Variants in GABRB1 observed in about 807,000 individuals in gnomAD.
GABRB1 encodes gamma-aminobutyric acid type A receptor subunit beta1.
A neutral mutation model predicts 51.6 loss-of-function variants in GABRB1; 17 were observed. The ratio of observed to expected loss-of-function variants is 0.33; its 90% CI spans 0.23 to 0.49. The LOEUF is 0.49. Ranked by LOEUF, GABRB1 falls within the 20% of genes least tolerant of loss-of-function variation. The pLI is 0.99. For missense variants in GABRB1, 410 were observed against 600.6 expected, an observed-to-expected ratio of 0.68 and a Z score of 3.32; for synonymous variants, 247 against 218.9, an observed-to-expected ratio of 1.13 and a Z score of -1.14.
At chr4:47,237,730 A>G (rs1721380473) in intron 4 of GABRB1, among the ~76,000 whole-genome samples, 1 of 152,052 alleles carries the variant, frequency 6.6e-6, no homozygotes, top group African/African-American at 2.4e-5. Flanking sequence ...TGATAGAGAT[A>G]GGCACAGCCA....
At chr4:47,007,895 A>ATATATATATATATAT (rs375965914) in intron 1 of GABRB1, among the ~76,000 whole-genome samples, 780 of 17,364 alleles carry the variant, frequency 0.045, 38 homozygotes, top group Middle Eastern at 0.14. Context: ...TATATATATA[A>ATATATATATATATAT]AATCAAGTTT....
At chr4:47,147,982 A>T (rs1407333288) in intron 3 of GABRB1, among the ~76,000 whole-genome samples, 1 of 152,094 alleles carries the variant, frequency 6.6e-6, no homozygotes, top group Admixed American at 6.6e-5. Flanking sequence ...TCATATTTGC[A>T]ATTTTTTAAA....
rs186765859 is a variant in GABRB1 at position 47,294,725 on chromosome 4, T to C, written c.462-25402T>C. Among the ~76,000 whole-genome samples, 334 of 152,290 alleles carry C rather than the reference T, an allele frequency of 2.2e-3. 3 individuals are homozygous for C. Among genetic ancestry groups the C allele is most frequent in the African/African-American group, 7.1e-3 (294 of 41,570 alleles). ...GCAGTAACCTCTGCAGACTTAAATG[T>C]CCCTGTCTGACAGCTTTGAAGGGAG... On this transcript the variant is annotated intron_variant, in intron 4 of 8. Coordinates refer to ENST00000295454, the MANE Select transcript of GABRB1 (RefSeq NM_000812.4).
chr4:47,137,998 A>C (rs890375219), intron 3 of GABRB1, among the ~76,000 whole-genome samples: 3 of 152,112 alleles, frequency 2.0e-5, no homozygotes, highest in African/African-American at 7.2e-5. Flanking sequence ...CATTGCAGTG[A>C]GGTTAAGTTG....
At chr4:47,273,970 C>T (rs1030929115) in intron 4 of GABRB1, among the ~76,000 whole-genome samples, 1 of 151,720 alleles carries the variant, frequency 6.6e-6, no homozygotes, top group African/African-American at 2.4e-5. Context: ...AAAGATTATG[C>T]ATGCATACAC....
chr4:47,425,784 T>C lies in GABRB1; in HGVS notation c.1191T>C (p.Tyr397=). ...ACCCCAAGGCCACCATGTACTCCTA[T>C]GACAGCGCCAGCATCCAGTACCGCA... ...VSDPKATMYS[Y]DSASIQYRKP... Residue 397 remains tyrosine, a synonymous_variant, in exon 9 of 9, where the codon TAT becomes TAC. Transcript: ENST00000295454. 1.2e-6 allele frequency: 2 copies of C among 1,614,172 alleles called. No homozygotes were observed. The highest frequency in any genetic ancestry group is 1.7e-6 in the Non-Finnish European group (2 of 1,180,020).
intron 1 of GABRB1, among the ~76,000 whole-genome samples, chr4:47,017,667 GTTTTACCA>G (rs1354154614): frequency 6.6e-6 from 1 of 151,912 alleles, no homozygotes; most frequent in Non-Finnish European, 1.5e-5. Flanking sequence ...CTGGCTTCTA[GTTTTACCA>G]CTGAATCTCT....
intron 1 of GABRB1, among the ~76,000 whole-genome samples, chr4:47,005,298 G>C (rs1724355312): frequency 6.6e-6 from 1 of 152,088 alleles, no homozygotes; most frequent in Non-Finnish European, 1.5e-5. Context: ...GGCGCCTGTA[G>C]TCCCAGCTAC....
At position 47,426,191 on chromosome 4, in the gene GABRB1, A is replaced by G; in HGVS notation, c.*173A>G. The G allele has an allele frequency of 2.0e-6, 1 of 499,966 alleles. No individual in the cohort carries two copies. The allele number at this position is 499,966 out of a possible 1,614,324, so 31.0% of individuals were successfully genotyped here. ...GCACCATGTTTACTTCAAAAAGACA[A>G]AACAAAAAAAAAATTATTTTTCCAG... On this transcript the variant is annotated 3_prime_UTR_variant, in exon 9 of 9. Coordinates refer to ENST00000295454, the MANE Select transcript of GABRB1 (RefSeq NM_000812.4).
chr4:47,202,135 G>T (rs1330712488), intron 4 of GABRB1, among the ~76,000 whole-genome samples: 1 of 152,234 alleles, frequency 6.6e-6, no homozygotes, highest in East Asian at 1.9e-4. Flanking sequence ...GAGACCAGGT[G>T]GAAGTAATTG....
intron 4 of GABRB1, among the ~76,000 whole-genome samples, chr4:47,247,357 C>T (rs1044446422): frequency 1.3e-5 from 2 of 152,090 alleles, no homozygotes; most frequent in African/African-American, 4.8e-5. Context: ...TCTGGGTTCT[C>T]TATTCTGTTC....
intron 5 of GABRB1, among the ~76,000 whole-genome samples, chr4:47,339,943 A>G (rs1284549794): frequency 6.6e-6 from 1 of 152,156 alleles, no homozygotes; most frequent in Non-Finnish European, 1.5e-5. Context: ...GTAATAAGTG[A>G]CTAAGAAGAA....
intron 3 of GABRB1, among the ~76,000 whole-genome samples, chr4:47,137,724 A>C (rs1273246138): frequency 6.6e-6 from 1 of 152,154 alleles, no homozygotes; most frequent in Non-Finnish European, 1.5e-5. Context: ...CTTAATGACA[A>C]GAATTTAAGA....
chr4:47,026,537 A>G (rs1197554486), intron 1 of GABRB1, among the ~76,000 whole-genome samples: 1 of 152,090 alleles, frequency 6.6e-6, no homozygotes, highest in Non-Finnish European at 1.5e-5. Flanking sequence ...GATGCTCTAC[A>G]AACAATATAT....
chr4:47,218,580 G>T (rs981797659), intron 4 of GABRB1, among the ~76,000 whole-genome samples: 3 of 151,808 alleles, frequency 2.0e-5, no homozygotes, highest in Admixed American at 1.3e-4. Context: ...TTTCTCTGAT[G>T]ATTATTAATG....
chr4:47,004,072 G>A (rs1048970613), intron 1 of GABRB1, among the ~76,000 whole-genome samples: 2 of 151,942 alleles, frequency 1.3e-5, no homozygotes, highest in African/African-American at 4.8e-5. Flanking sequence ...TCATGCAACC[G>A]CCACCTCCTG....
At chr4:47,002,909 T>C (rs1237820991) in intron 1 of GABRB1, among the ~76,000 whole-genome samples, 1 of 152,174 alleles carries the variant, frequency 6.6e-6, no homozygotes, top group Non-Finnish European at 1.5e-5. Context: ...ATGGTATTGA[T>C]TAATATTGAA....
chr4:47,415,076 A>G (rs1178777786), intron 8 of GABRB1, among the ~76,000 whole-genome samples: 1 of 152,122 alleles, frequency 6.6e-6, no homozygotes, highest in Non-Finnish European at 1.5e-5. Context: ...ATTTAATCCT[A>G]TCCTATCTCC....
intron 4 of GABRB1, among the ~76,000 whole-genome samples, chr4:47,273,334 A>G (rs1329912945): frequency 3.3e-5 from 5 of 152,210 alleles, no homozygotes; most frequent in Non-Finnish European, 1.5e-5. Flanking sequence ...GGAAGGGACT[A>G]TGGATACTCA....
Sources: allele counts gnomAD v4.1 joint callset (sites outside exome capture counted in the v4.1 genomes callset), GRCh38; gene constraint gnomAD v4.1.1; transcripts MANE v1.5; gene names NCBI Gene and HGNC (gene_info 2026-07-23, HGNC 2026-07-21).